Variants in SLC35F1 observed in about 807,000 individuals in gnomAD.
SLC35F1 encodes solute carrier family 35 member F1.
In SLC35F1, 14 loss-of-function variants were observed where a neutral mutation model predicts 48.7. That is an observed-to-expected ratio of 0.29 (90% CI 0.19 to 0.45). The LOEUF is 0.45. Ranked by LOEUF, SLC35F1 falls within the 20% of genes least tolerant of loss-of-function variation. SLC35F1 has a pLI of 1.00. For missense variants in SLC35F1, 404 were observed against 500.0 expected (o/e 0.81, Z 1.83); for synonymous variants, 190 against 202.2 (o/e 0.94, Z 0.51).
rs377630610 is a variant in SLC35F1 at position 118,277,561 on chromosome 6, C to T, written c.847+15C>T. ...CTGGCAAATAGGTAAGGAGTTGGCT[C>T]ACATACGATGCTCTTTTTATAACCT... On this transcript the variant is annotated intron_variant, in intron 6 of 7. Transcript: ENST00000360388. The T allele has an allele frequency of 7.4e-6, 12 of 1,611,720 alleles. No individual in the cohort carries two copies. The highest frequency in any genetic ancestry group is 3.3e-4 in the Middle Eastern group (2 of 6,080).
At chr6:118,109,000 C>T (rs1437727180) in intron 1 of SLC35F1, among the ~76,000 whole-genome samples, 1 of 152,098 alleles carries the variant, frequency 6.6e-6, no homozygotes, top group African/African-American at 2.4e-5. Flanking sequence ...AGTTGAAGAA[C>T]TGGGAACACA....
rs925238395 is a variant in SLC35F1 at position 117,907,551 on chromosome 6, G to A, written c.-176G>A. 1.5e-4 allele frequency: 55 copies of A among 370,052 alleles called. No individual in the cohort carries two copies. The highest frequency in any genetic ancestry group is 2.3e-4 in the Non-Finnish European group (48 of 209,558). The allele number at this position is 370,052 out of a possible 1,614,324, so 22.9% of individuals were successfully genotyped here. On this transcript the variant is annotated 5_prime_UTR_variant, in exon 1 of 8. Coordinates refer to ENST00000360388, the MANE Select transcript of SLC35F1 (RefSeq NM_001029858.4). ...GGGACTGGAGAGGAGTGAGTGGCGG[G>A]CTGGGCGGCGGCGGCCGTAGCCGCG...
chr6:117,967,028 C>T (rs1012277640), intron 1 of SLC35F1, among the ~76,000 whole-genome samples: 3 of 152,056 alleles, frequency 2.0e-5, no homozygotes, highest in Non-Finnish European at 2.9e-5. Context: ...TCCAATTCTA[C>T]GAAGACAGAA....
At chr6:118,189,554 C>T (rs1172509388) in intron 2 of SLC35F1, among the ~76,000 whole-genome samples, 1 of 152,046 alleles carries the variant, frequency 6.6e-6, no homozygotes, top group East Asian at 1.9e-4. Flanking sequence ...ATGTTTTCTC[C>T]CAATCAGTAG....
rs138672790 is a variant in SLC35F1 at position 118,297,021 on chromosome 6, A to G, written c.1002+11683A>G. On this transcript the variant is annotated intron_variant, in intron 7 of 7. Coordinates refer to ENST00000360388, the MANE Select transcript of SLC35F1 (RefSeq NM_001029858.4). ...AGATTGGCTCGAACATTAAAGGCTG[A>G]AGCAGAACCACTACTCTACACATCT... Among the ~76,000 whole-genome samples the G allele has an allele frequency of 4.1e-3, 626 of 152,272 alleles. 5 individuals carry two copies. The highest frequency in any genetic ancestry group is 0.014 in the African/African-American group (592 of 41,568).
At chr6:118,298,196 A>C (rs1197209771) in intron 7 of SLC35F1, among the ~76,000 whole-genome samples, 1 of 152,186 alleles carries the variant, frequency 6.6e-6, no homozygotes, top group Non-Finnish European at 1.5e-5. Context: ...ATCCAGTCTC[A>C]GATATTCCTT....
rs188185509 is a variant in SLC35F1, at chr6:118,122,924, A to G, written c.174-31521A>G. ...TATCAACTAGTAGGAGTCCAAGGCT[A>G]TGGGCTAAAAGCAGGAAGTTAAATA... On this transcript the variant is annotated intron_variant, in intron 1 of 7. Transcript: ENST00000360388. Among the ~76,000 whole-genome samples, 9 of 152,292 alleles carry G rather than the reference A, an allele frequency of 5.9e-5. No homozygotes were observed. In the East Asian group the frequency reaches 1.7e-3, roughly 29 times the overall value.
chr6:118,197,728 A>G (rs1774821885), intron 2 of SLC35F1, among the ~76,000 whole-genome samples: 1 of 151,716 alleles, frequency 6.6e-6, no homozygotes, highest in African/African-American at 2.4e-5. Flanking sequence ...TTTTTGAGAC[A>G]GGGTTGAATT....
chr6:117,988,829 T>C (rs1189809907), intron 1 of SLC35F1, among the ~76,000 whole-genome samples: 1 of 152,138 alleles, frequency 6.6e-6, no homozygotes, highest in Non-Finnish European at 1.5e-5. Flanking sequence ...CTGTTTGGGA[T>C]GATGAAAAAG....
intron 3 of SLC35F1, among the ~76,000 whole-genome samples, chr6:118,253,212 T>C (rs1176302268): frequency 2.0e-5 from 3 of 151,758 alleles, no homozygotes; most frequent in Non-Finnish European, 2.9e-5. Context: ...TGAGAGTAGA[T>C]GCAGGAGCCC....
At chr6:118,014,666 A>C (rs1777295557) in intron 1 of SLC35F1, among the ~76,000 whole-genome samples, 1 of 152,150 alleles carries the variant, frequency 6.6e-6, no homozygotes, top group African/African-American at 2.4e-5. Flanking sequence ...TTGGAGGTTA[A>C]CTGAAAGCCA....
intron 1 of SLC35F1, among the ~76,000 whole-genome samples, chr6:117,939,516 G>C (rs1776202942): frequency 6.6e-6 from 1 of 152,140 alleles, no homozygotes; most frequent in Admixed American, 6.5e-5. Flanking sequence ...TTGATCTTCT[G>C]TAACCCTCAA....
chr6:118,123,549 T>C (rs4479972), intron 1 of SLC35F1, among the ~76,000 whole-genome samples: 51,853 of 152,054 alleles, frequency 0.34, 9,668 homozygotes, highest in Non-Finnish European at 0.43. Flanking sequence ...TTTCTTTGCC[T>C]TTTGCTGTTC....
intron 3 of SLC35F1, among the ~76,000 whole-genome samples, chr6:118,249,483 C>T (rs911643154): frequency 6.6e-6 from 1 of 152,212 alleles, no homozygotes; most frequent in Non-Finnish European, 1.5e-5. Flanking sequence ...GAGTCTATCA[C>T]TGTACAAAAT....
At chr6:118,180,397 T>C (rs146983258) in intron 2 of SLC35F1, among the ~76,000 whole-genome samples, 1 of 152,168 alleles carries the variant, frequency 6.6e-6, no homozygotes, top group African/African-American at 2.4e-5. Flanking sequence ...CCTGCAAAGA[T>C]TACAGATGTT....
At chr6:118,012,055 G>A (rs1402282818) in intron 1 of SLC35F1, among the ~76,000 whole-genome samples, 1 of 152,022 alleles carries the variant, frequency 6.6e-6, no homozygotes, top group African/African-American at 2.4e-5. Context: ...TTAATGGCAT[G>A]CATAGATCTT....
intron 1 of SLC35F1, among the ~76,000 whole-genome samples, chr6:117,920,081 G>A (rs1316814976): frequency 6.6e-6 from 1 of 152,208 alleles, no homozygotes; most frequent in East Asian, 1.9e-4. Flanking sequence ...TTGTGACGCC[G>A]GGTTCCCGGG....
chr6:118,153,646 C>T (rs1379360754), intron 1 of SLC35F1, among the ~76,000 whole-genome samples: 1 of 152,152 alleles, frequency 6.6e-6, no homozygotes, highest in Non-Finnish European at 1.5e-5. Context: ...GCAAAATTAA[C>T]GCCTTGACCC....
intron 3 of SLC35F1, among the ~76,000 whole-genome samples, chr6:118,261,646 C>G (rs1023420959): frequency 6.6e-6 from 1 of 152,080 alleles, no homozygotes; most frequent in African/African-American, 2.4e-5. Flanking sequence ...TCCTTTAATT[C>G]TTGAACTCTC....
Sources: gnomAD v4.1 joint callset for allele counts (sites outside exome capture counted in the v4.1 genomes callset) on GRCh38, gnomAD v4.1.1 for gene constraint, MANE v1.5 for transcripts, NCBI Gene and HGNC (gene_info 2026-07-23, HGNC 2026-07-21) for gene names.